The following MSI2 variants were observed in gnomAD, a reference collection of about 807,000 sequenced individuals.
MSI2 encodes the protein RNA-binding protein Musashi homolog 2.
MSI2 carries 17 observed loss-of-function variants against 45.6 expected under a neutral mutation model. The observed-to-expected ratio is 0.37, with a 90% CI of 0.26 to 0.56. The LOEUF is 0.56. Among genes scored for constraint, MSI2 ranks in the 20% least tolerant of loss-of-function variants. The probability of loss-of-function intolerance (pLI) is 0.77; values close to 1 mark genes in which losing one functional copy is unlikely to be tolerated. For synonymous variants in MSI2, 156 were observed against 158.2 expected (o/e 0.99, Z 0.11); for missense variants, 293 against 444.2 (o/e 0.66, Z 3.06).
At chr17:57,636,043 G>A (rs1909810459) in intron 10 of MSI2, among the ~76,000 whole-genome samples, 1 of 152,174 alleles carries the variant, frequency 6.6e-6, no homozygotes, top group Non-Finnish European at 1.5e-5. Context: ...GCTAGCTCAG[G>A]GATATCCTGT....
At chr17:57,588,995 G>T (rs1239998705) in intron 7 of MSI2, among the ~76,000 whole-genome samples, 1 of 152,298 alleles carries the variant, frequency 6.6e-6, no homozygotes, top group Non-Finnish European at 1.5e-5. Context: ...GCTCAGTGAC[G>T]GCAGATGAGC....
chr17:57,299,643 T>C (rs958799443), intron 5 of MSI2, among the ~76,000 whole-genome samples: 17 of 152,302 alleles, frequency 1.1e-4, no homozygotes, highest in African/African-American at 4.1e-4. Flanking sequence ...TTAATATTTA[T>C]TAAGTTTGCC....
the MSI2 span, among the ~76,000 whole-genome samples, chr17:57,700,572 C>A: frequency 7.9e-5 from 12 of 152,142 alleles, no homozygotes; most frequent in Non-Finnish European, 1.3e-4. Flanking sequence ...ACTGGGATAA[C>A]ATTGACCTCA....
intron 9 of MSI2, among the ~76,000 whole-genome samples, chr17:57,623,463 C>G (rs1035326280): frequency 6.6e-6 from 1 of 152,128 alleles, no homozygotes; most frequent in African/African-American, 2.4e-5. Flanking sequence ...GTCAGCATCC[C>G]CAAAATGGGG....
chr17:57,428,197 A>T (rs572310215), intron 6 of MSI2, among the ~76,000 whole-genome samples: 1 of 152,150 alleles, frequency 6.6e-6, no homozygotes, highest in African/African-American at 2.4e-5. Flanking sequence ...TGGAGATTAG[A>T]TGGTAGGACT....
intron 10 of MSI2, chr17:57,632,393 T>G (rs1909464811): frequency 1.2e-5 from 13 of 1,066,100 alleles, no homozygotes; most frequent in East Asian, 5.0e-5. Flanking sequence ...CTTTGTCTTT[T>G]GGGGCCAGTG....
chr17:57,685,647 A>G (rs961558452), downstream of MSI2: 7 of 152,254 alleles, frequency 4.6e-5, no homozygotes, highest in Non-Finnish European at 8.8e-5. Context: ...GAGACAGTCG[A>G]AGGTGCATTC....
chr17:57,342,310 C>T (rs909460265), intron 5 of MSI2, among the ~76,000 whole-genome samples: 4 of 152,304 alleles, frequency 2.6e-5, no homozygotes, highest in South Asian at 2.1e-4. Context: ...AGGGTTGGAA[C>T]GCTGTTTACC....
At chr17:57,306,391 C>A (rs186348565) in intron 5 of MSI2, among the ~76,000 whole-genome samples, 1 of 152,118 alleles carries the variant, frequency 6.6e-6, no homozygotes, top group African/African-American at 2.4e-5. Flanking sequence ...AAACAGATGA[C>A]CTTACAGTGA....
chr17:57,401,303 A>T, intron 5 of MSI2, 76 bp from the exon 6 acceptor site: 1 of 1,210,706 alleles, frequency 8.3e-7, no homozygotes, highest in Non-Finnish European at 1.2e-6. Flanking sequence ...TGGAGAGCAG[A>T]TTGTTTCAGC....
At chr17:57,317,487 A>G (rs1301130157) in intron 5 of MSI2, among the ~76,000 whole-genome samples, 1 of 145,018 alleles carries the variant, frequency 6.9e-6, no homozygotes, top group Non-Finnish European at 1.5e-5. Context: ...ATTACACTCT[A>G]TCCCATGTTA....
At chr17:57,355,724 G>A (rs949643683) in intron 5 of MSI2, among the ~76,000 whole-genome samples, 6 of 152,320 alleles carry the variant, frequency 3.9e-5, no homozygotes, top group African/African-American at 7.2e-5. Context: ...AGGGCCTGGC[G>A]GGTTCCAGAC....
intron 5 of MSI2, among the ~76,000 whole-genome samples, chr17:57,319,100 C>T (rs534337473): frequency 2.6e-5 from 4 of 152,228 alleles, no homozygotes; most frequent in South Asian, 4.1e-4. Flanking sequence ...GGGGAGCAGC[C>T]GGTGATTATG....
At chr17:57,551,834 G>C (rs2087313547) in intron 7 of MSI2, among the ~76,000 whole-genome samples, 1 of 152,172 alleles carries the variant, frequency 6.6e-6, no homozygotes, top group African/African-American at 2.4e-5. Context: ...TTGGGGCAAG[G>C]ATTGACTAGA....
intron 5 of MSI2, among the ~76,000 whole-genome samples, chr17:57,328,568 C>T (rs966823296): frequency 3.3e-5 from 5 of 152,146 alleles, no homozygotes; most frequent in Non-Finnish European, 7.3e-5. Context: ...GTAAGTTGCT[C>T]CCAGTGCAGT....
chr17:57,679,952 A>AT lies in MSI2; in HGVS notation c.*444dup, dbSNP rs35099114. On this transcript the variant is annotated 3_prime_UTR_variant, in exon 14 of 14. Coordinates refer to ENST00000284073, the MANE Select transcript of MSI2 (RefSeq NM_138962.4). ...TTAAGGAGTTATTTTTTCTTAAAAC[A>AT]TTTTTTTTTGCTTGTTTTGGTTCTG... 0.64 allele frequency: 136,146 copies of AT among 212,276 alleles called. 43,429 individuals are homozygous for AT. The highest frequency in any genetic ancestry group is 0.7 in the Non-Finnish European group (73,721 of 104,648). The allele number at this position is 212,276 out of a possible 1,614,324, so 13.1% of individuals were successfully genotyped here.
intron 11 of MSI2, among the ~76,000 whole-genome samples, chr17:57,666,895 A>G (rs969558546): frequency 6.6e-6 from 1 of 152,218 alleles, no homozygotes; most frequent in Non-Finnish European, 1.5e-5. Flanking sequence ...GAGGCAGTCA[A>G]TGGATCAAAG....
chr17:57,654,889 G>T (rs1327077113), intron 11 of MSI2, among the ~76,000 whole-genome samples: 2 of 147,844 alleles, frequency 1.4e-5, no homozygotes, highest in Admixed American at 6.7e-5. Flanking sequence ...TTTTGTCTTT[G>T]ATTTTTGTCT....
chr17:57,698,687 T>C, the MSI2 span, among the ~76,000 whole-genome samples: 1 of 152,184 alleles, frequency 6.6e-6, no homozygotes, highest in Non-Finnish European at 1.5e-5. Flanking sequence ...TATGGCCCTC[T>C]TTCCATCTCC....
Sources: gnomAD v4.1 joint callset for allele counts (sites outside exome capture counted in the v4.1 genomes callset) on GRCh38, gnomAD v4.1.1 for gene constraint, MANE v1.5 for transcripts, NCBI Gene and HGNC (gene_info 2026-07-23, HGNC 2026-07-21) for gene names.